Variants in ZNF438 observed in about 807,000 individuals in gnomAD.
The protein encoded by ZNF438 is zinc finger protein 438.
ZNF438 carries 25 observed loss-of-function variants against 38.0 expected under a neutral mutation model. The observed-to-expected ratio is 0.66, with a 90% CI of 0.48 to 0.92. ZNF438 has a LOEUF of 0.92. Ranked by LOEUF, ZNF438 falls within the 40% of genes least tolerant of loss-of-function variation. ZNF438 has a pLI of 0.00. For missense variants in ZNF438, 1,007 were observed against 999.6 expected, an observed-to-expected ratio of 1.01 and a Z score of -0.10; for synonymous variants, 372 against 364.1, an observed-to-expected ratio of 1.02 and a Z score of -0.25.
At chr10:31,006,436 C>T (rs2055134409) in intron 1 of ZNF438, among the ~76,000 whole-genome samples, 1 of 152,166 alleles carries the variant, frequency 6.6e-6, no homozygotes, top group Non-Finnish European at 1.5e-5. Context: ...AATGGTGGTA[C>T]ACCCAGGGAG....
intron 4 of ZNF438, among the ~76,000 whole-genome samples, chr10:30,856,720 T>C (rs747345553): frequency 2.0e-5 from 3 of 152,220 alleles, no homozygotes; most frequent in Non-Finnish European, 4.4e-5. Flanking sequence ...GACTCTCAGG[T>C]ACTAAACATG....
At chr10:30,920,582 G>A (rs908356644) in intron 2 of ZNF438, 2 of 152,100 alleles carry the variant, frequency 1.3e-5, no homozygotes, top group African/African-American at 4.8e-5. Context: ...CATTTTACTT[G>A]GCAGTTTGAT....
chr10:30,857,645 A>C lies in ZNF438; in HGVS notation c.38-7278T>G, dbSNP rs1467114662. The C allele has an allele frequency of 1.7e-5, 25 of 1,456,578 alleles. No individual in the cohort carries two copies. The Middle Eastern group carries it at 5.2e-4, about 30-fold the overall frequency. 90.2% of individuals were successfully genotyped at this position (1,456,578 alleles called of 1,614,324 possible). ...AGAAAATTAATAGTCATTTGAAAGCAAAAGCATATTTTTATATTTGAATTT... is the reference window on the plus strand; with the variant it reads ...AGAAAATTAATAGTCATTTGAAAGCCAAAGCATATTTTTATATTTGAATTT... On this transcript the variant is annotated intron_variant, in intron 4 of 5. Transcript: ENST00000413025.
At chr10:30,849,429 A>T in exon 5 of ZNF438, 2 of 1,614,214 alleles carry the variant, frequency 1.2e-6, no homozygotes, top group Non-Finnish European at 1.7e-6. Context: ...ATCTTATCAC[A>T]GTCGGCCTTA....
At chr10:30,888,362 A>ACACACACACAAAC (rs1564574714) in intron 3 of ZNF438, among the ~76,000 whole-genome samples, 1 of 36,518 alleles carries the variant, frequency 2.7e-5, no homozygotes, top group Non-Finnish European at 8.2e-5. Context: ...CACACACACA[A>ACACACACACAAAC]ACACACACAT....
intron 1 of ZNF438, among the ~76,000 whole-genome samples, chr10:30,953,639 TA>T (rs745937767): frequency 0.012 from 1,369 of 118,302 alleles, 23 homozygotes; most frequent in African/African-American, 0.037. Flanking sequence ...AATATAATAA[TA>T]AAAAAAAAAA....
intron 3 of ZNF438, among the ~76,000 whole-genome samples, chr10:30,891,381 C>T (rs1463832602): frequency 6.6e-6 from 1 of 151,844 alleles, no homozygotes; most frequent in African/African-American, 2.4e-5. Context: ...AAAATGTGTT[C>T]CATCTGTGAT....
At chr10:30,924,422 GA>G (rs2135064996) in intron 2 of ZNF438, among the ~76,000 whole-genome samples, 1 of 152,332 alleles carries the variant, frequency 6.6e-6, no homozygotes. Flanking sequence ...CATGATGAAT[GA>G]GGGGTGCGGC....
intron 2 of ZNF438, among the ~76,000 whole-genome samples, chr10:30,937,905 A>T (rs1005171456): frequency 6.6e-6 from 1 of 152,222 alleles, no homozygotes; most frequent in Non-Finnish European, 1.5e-5. Flanking sequence ...ACAGAGGCTC[A>T]ACTCCTCAGG....
At chr10:30,934,411 TTC>T (rs1279616783) in intron 2 of ZNF438, among the ~76,000 whole-genome samples, 3 of 152,222 alleles carry the variant, frequency 2.0e-5, no homozygotes, top group Admixed American at 1.3e-4. Flanking sequence ...ACTTTAACAT[TTC>T]TCAGGCTCAC....
intron 1 of ZNF438, among the ~76,000 whole-genome samples, chr10:30,969,487 C>A (rs768837713): frequency 6.6e-6 from 1 of 152,188 alleles, no homozygotes; most frequent in African/African-American, 2.4e-5. Context: ...GGTGCTCATT[C>A]TTTCCATGAA....
At chr10:30,861,424 G>A (rs1044190502) in intron 4 of ZNF438, among the ~76,000 whole-genome samples, 30 of 152,068 alleles carry the variant, frequency 2.0e-4, no homozygotes, top group African/African-American at 7.0e-4. Context: ...AGGATGTGGA[G>A]GGCTGGCTAT....
chr10:30,969,259 AT>A (rs1216968868), intron 1 of ZNF438, among the ~76,000 whole-genome samples: 2 of 152,126 alleles, frequency 1.3e-5, no homozygotes, highest in South Asian at 4.1e-4. Context: ...AAATCAAAAG[AT>A]TTTTTCCCTT....
chr10:30,964,630 G>T (rs568131768), intron 1 of ZNF438, among the ~76,000 whole-genome samples: 1 of 152,162 alleles, frequency 6.6e-6, no homozygotes, highest in African/African-American at 2.4e-5. Flanking sequence ...ATCTTTAATC[G>T]ATAACTAAAT....
At chr10:31,017,862 G>C (rs372627826) in intron 1 of ZNF438, among the ~76,000 whole-genome samples, 1 of 152,310 alleles carries the variant, frequency 6.6e-6, no homozygotes, top group African/African-American at 2.4e-5. Flanking sequence ...CACTGGTTCT[G>C]CCATATCTCT....
chr10:30,897,340 TC>T (rs1333324768), intron 3 of ZNF438, among the ~76,000 whole-genome samples: 8 of 152,128 alleles, frequency 5.3e-5, no homozygotes, highest in Non-Finnish European at 1.5e-5. Context: ...CTTTCTATAT[TC>T]CCCCCAATAC....
At chr10:30,934,331 T>C (rs2046007647) in intron 2 of ZNF438, among the ~76,000 whole-genome samples, 1 of 152,174 alleles carries the variant, frequency 6.6e-6, no homozygotes, top group Non-Finnish European at 1.5e-5. Context: ...CTACTCGTTA[T>C]TTGGTGTCCC....
At chr10:30,893,578 A>G (rs957471216) in intron 3 of ZNF438, among the ~76,000 whole-genome samples, 6 of 152,342 alleles carry the variant, frequency 3.9e-5, no homozygotes, top group Non-Finnish European at 8.8e-5. Flanking sequence ...TTTCTTTTTA[A>G]AACATTACAG....
chr10:30,961,149 TAAAAA>T (rs562859851), intron 1 of ZNF438, among the ~76,000 whole-genome samples: 1 of 127,646 alleles, frequency 7.8e-6, no homozygotes, highest in African/African-American at 2.7e-5. Flanking sequence ...GCCTGTTTCT[TAAAAA>T]AAAAAAAAGT....
Sources: gnomAD v4.1 joint callset for allele counts (sites outside exome capture counted in the v4.1 genomes callset) on GRCh38, gnomAD v4.1.1 for gene constraint, MANE v1.5 for transcripts, NCBI Gene and HGNC (gene_info 2026-07-23, HGNC 2026-07-21) for gene names.